Variants in KCNU1 observed in about 807,000 individuals in gnomAD.
KCNU1 encodes the protein potassium channel subfamily U member 1.
Under a neutral mutation model 126.8 loss-of-function variants are expected in KCNU1, and 93 were observed. The observed-to-expected ratio is 0.73, with a 90% CI of 0.62 to 0.87. The LOEUF (loss-of-function observed/expected upper bound fraction) is 0.87, where lower values mean the gene tolerates loss of function less well. Among genes scored for constraint, KCNU1 ranks in the 40% least tolerant of loss-of-function variants. The pLI, the probability that KCNU1 is intolerant of heterozygous loss-of-function variation, is 0.00. For missense variants in KCNU1, 1,330 were observed against 1,367.1 expected (o/e 0.97, Z 0.43); for synonymous variants, 523 against 494.2 (o/e 1.06, Z -0.77).
chr8:36,878,310 C>A (rs1260683222), intron 19 of KCNU1, among the ~76,000 whole-genome samples: 1 of 152,104 alleles, frequency 6.6e-6, no homozygotes, highest in Non-Finnish European at 1.5e-5. Context: ...GAGACTGGAA[C>A]CAGGAATGGG....
chr8:36,900,108 T>A (rs1807356005), intron 19 of KCNU1, among the ~76,000 whole-genome samples: 2 of 152,134 alleles, frequency 1.3e-5, no homozygotes, highest in African/African-American at 2.4e-5. Flanking sequence ...TTTTAAAATT[T>A]TACCCGGTAA....
intron 24 of KCNU1, 63 bp downstream of exon 24, chr8:36,922,692 G>A: frequency 6.6e-7 from 1 of 1,519,272 alleles, no homozygotes; most frequent in Non-Finnish European, 8.9e-7. Context: ...TGAACAGGTA[G>A]TATAAGGCTG....
chr8:36,815,968 C>A (rs1350683456), intron 9 of KCNU1, among the ~76,000 whole-genome samples: 2 of 152,206 alleles, frequency 1.3e-5, no homozygotes, highest in Non-Finnish European at 2.9e-5. Flanking sequence ...CTGATTATGG[C>A]ACTATTTGTA....
intron 10 of KCNU1, among the ~76,000 whole-genome samples, chr8:36,823,755 C>T (rs1254288970): frequency 6.6e-6 from 1 of 150,852 alleles, no homozygotes; most frequent in Non-Finnish European, 1.5e-5. Context: ...GCAAATGGGT[C>T]ATTGGACTAT....
chr8:36,805,384 C>G (rs1803460386), intron 4 of KCNU1, 99 bp downstream of exon 4: 1 of 737,558 alleles, frequency 1.4e-6, no homozygotes, highest in African/African-American at 1.7e-5. Flanking sequence ...CCCGAGTTTT[C>G]AACTCTAAAG....
chr8:36,821,023 A>G (rs1804104192), intron 10 of KCNU1, among the ~76,000 whole-genome samples: 1 of 152,196 alleles, frequency 6.6e-6, no homozygotes, highest in South Asian at 2.1e-4. Context: ...TTCTGCTTCA[A>G]ACAGAATTTT....
chr8:36,855,321 C>T (rs886510366), intron 18 of KCNU1, among the ~76,000 whole-genome samples: 4 of 151,956 alleles, frequency 2.6e-5, no homozygotes, highest in Admixed American at 1.3e-4. Flanking sequence ...GCACATGTGA[C>T]GTTAATATAT....
intron 8 of KCNU1, among the ~76,000 whole-genome samples, chr8:36,814,895 T>G (rs548241777): frequency 6.6e-6 from 1 of 152,302 alleles, no homozygotes; most frequent in African/African-American, 2.4e-5. Flanking sequence ...AGTTCTCCAC[T>G]CCACTTTTTT....
intron 2 of KCNU1, among the ~76,000 whole-genome samples, chr8:36,802,418 C>T (rs1032517100): frequency 6.6e-6 from 1 of 152,150 alleles, no homozygotes; most frequent in Non-Finnish European, 1.5e-5. Context: ...CTTTGTGGCT[C>T]ATTGTTGGCT....
At chr8:36,872,416 G>A (rs1806135948) in intron 19 of KCNU1, among the ~76,000 whole-genome samples, 1 of 152,140 alleles carries the variant, frequency 6.6e-6, no homozygotes, top group African/African-American at 2.4e-5. Flanking sequence ...GAGAGATAAA[G>A]GGGGACGCCG....
chr8:36,801,228 T>A (rs1375767114), intron 2 of KCNU1, among the ~76,000 whole-genome samples: 2 of 152,168 alleles, frequency 1.3e-5, no homozygotes, highest in Non-Finnish European at 2.9e-5. Context: ...AAAGTCTGAT[T>A]AGTTGTAAAT....
chr8:36,794,739 T>C (rs571241678), intron 2 of KCNU1, among the ~76,000 whole-genome samples: 2 of 152,022 alleles, frequency 1.3e-5, no homozygotes, highest in African/African-American at 4.8e-5. Flanking sequence ...CCTGGCAACA[T>C]AGTGAGACCT....
intron 24 of KCNU1, among the ~76,000 whole-genome samples, chr8:36,930,550 T>C (rs953183469): frequency 6.6e-6 from 1 of 152,104 alleles, no homozygotes; most frequent in African/African-American, 2.4e-5. Context: ...AGTTCCCCAC[T>C]GGAAAATCTA....
chr8:36,814,495 T>C, intron 8 of KCNU1, 118 bp downstream of exon 8: 2 of 722,410 alleles, frequency 2.8e-6, no homozygotes, highest in Non-Finnish European at 4.6e-6. Context: ...TTGGGGCACA[T>C]GTCAAGGGCA....
At chr8:36,894,365 T>C (rs1807098011) in intron 19 of KCNU1, among the ~76,000 whole-genome samples, 1 of 152,136 alleles carries the variant, frequency 6.6e-6, no homozygotes, top group East Asian at 1.9e-4. Flanking sequence ...AGTTTGTTTC[T>C]GAGTGACTCA....
intron 10 of KCNU1, among the ~76,000 whole-genome samples, chr8:36,826,262 C>T (rs7013679): frequency 0.3 from 46,128 of 151,308 alleles, 7,977 homozygotes; most frequent in African/African-American, 0.45. Context: ...CAGGCTGGAG[C>T]GCAGTGGCCT....
chr8:36,833,952 A>T (rs1804653885), intron 11 of KCNU1, among the ~76,000 whole-genome samples: 1 of 152,178 alleles, frequency 6.6e-6, no homozygotes, highest in African/African-American at 2.4e-5. Flanking sequence ...AGGTCTGAAA[A>T]AGGTATGGAT....
chr8:36,856,425 G>C (rs902704326), intron 18 of KCNU1, among the ~76,000 whole-genome samples: 1 of 152,164 alleles, frequency 6.6e-6, no homozygotes, highest in Non-Finnish European at 1.5e-5. Flanking sequence ...GAAAACCAAG[G>C]CTTGTTGTTG....
intron 18 of KCNU1, among the ~76,000 whole-genome samples, chr8:36,847,417 T>G (rs1411185470): frequency 1.3e-5 from 2 of 152,216 alleles, no homozygotes; most frequent in African/African-American, 4.8e-5. Context: ...ATAAATTATA[T>G]TTAACGATGA....
Sources: allele counts gnomAD v4.1 joint callset (sites outside exome capture counted in the v4.1 genomes callset), GRCh38; gene constraint gnomAD v4.1.1; transcripts MANE v1.5; gene names NCBI Gene and HGNC (gene_info 2026-07-23, HGNC 2026-07-21).